The following SEMG1 variants were observed in gnomAD, a reference collection of about 807,000 sequenced individuals.
SEMG1 encodes semenogelin-1.
SEMG1 carries 6 observed loss-of-function variants against 8.8 expected under a neutral mutation model. The ratio of observed to expected loss-of-function variants is 0.68; its 90% CI spans 0.37 to 1.35. The LOEUF is 1.35. SEMG1 is among the 40% of genes most tolerant of loss of function. The probability of loss-of-function intolerance (pLI) is 0.02; values close to 1 mark genes in which losing one functional copy is unlikely to be tolerated. For missense variants in SEMG1, 580 were observed against 533.6 expected, an observed-to-expected ratio of 1.09 and a Z score of -0.86; for synonymous variants, 221 against 190.3, an observed-to-expected ratio of 1.16 and a Z score of -1.33.
rs1351703856 is a variant in SEMG1 at position 45,208,028 on chromosome 20, A to G, written c.731A>G (p.Asp244Gly). 1.9e-6 allele frequency: 3 copies of G among 1,614,172 alleles called. No individual in the cohort carries two copies. Among genetic ancestry groups the G allele is most frequent in the Admixed American group, 1.7e-5 (1 of 60,030 alleles). The change falls in exon 2 of 3, where the codon GAC becomes GGC. Residue 244 changes from aspartate to glycine, a missense_variant. By Grantham distance (94) the Asp-to-Gly change is moderately conservative. Transcript: ENST00000372781. ...VQTSLCPAHQ[D>G]KLQHGSKDIF... is the part of the protein sequence containing the mutation. ...ACCTCACTCTGTCCTGCGCACCAAG[A>G]CAAACTCCAACATGGATCCAAAGAC...
chr20:45,207,191 T>A, intron 1 of SEMG1, 62 bp downstream of exon 1: 3 of 1,599,572 alleles, frequency 1.9e-6, no homozygotes, highest in East Asian at 2.2e-5. Context: ...TAAGATTATT[T>A]GGGGTGCAAA....
chr20:45,208,585 T>C lies in SEMG1; in HGVS notation c.1288T>C (p.Ser430Pro). The stretch of plus-strand genomic sequence containing the variant: ...ACAAAAAGGCAGACACCAACATGGA[T>C]CTCATGGGGGATTGGATATTGTAAT... ...HEQKGRHQHG[S>P]HGGLDIVIIE... The change falls in exon 2 of 3, where the codon TCT becomes CCT. Residue 430 changes from serine to proline, a missense_variant. Coordinates refer to ENST00000372781, the MANE Select transcript of SEMG1 (RefSeq NM_003007.5). 1 of 1,613,862 alleles carries C rather than the reference T, an allele frequency of 6.2e-7. No individual in the cohort carries two copies. The highest frequency in any genetic ancestry group is 1.1e-5 in the South Asian group (1 of 91,064).
At position 45,208,548 on chromosome 20, in the gene SEMG1, A is replaced by T; in HGVS notation, c.1251A>T (p.Leu417=). 6.2e-7 allele frequency: 1 copy of T among 1,614,070 alleles called. No homozygotes were observed. The highest frequency in any genetic ancestry group is 1.1e-5 in the South Asian group (1 of 91,082). ...AATCTACAAATAGAGAACAAGACCT[A>T]CTCAGTCATGAACAAAAAGGCAGAC... ...SGQSTNREQD[L]LSHEQKGRHQ... is the part of the protein sequence containing the mutation. The change falls in exon 2 of 3, where the codon CTA becomes CTT. Residue 417 remains leucine, a synonymous_variant. Coordinates refer to ENST00000372781, the MANE Select transcript of SEMG1 (RefSeq NM_003007.5).
At position 45,208,684 on chromosome 20, in the gene SEMG1, T is replaced by C. The variant is rs2080238559; in HGVS notation, c.1387T>C (p.Ter463GlnextTer8). ...CAACGACCGAAACCCATTATTTACA[T>C]AAACCTACCATTCGGTAACCATGTG... ...LNNDRNPLFT[*>Q] Residue 463 changes from the stop codon to glutamine (Q), a stop_lost, in exon 2 of 3, where the codon TAA (stop) becomes CAA (glutamine). Coordinates refer to ENST00000372781, the MANE Select transcript of SEMG1 (RefSeq NM_003007.5). 1 of 1,595,370 alleles carries C rather than the reference T, an allele frequency of 6.3e-7. No individual in the cohort carries two copies. The highest frequency in any genetic ancestry group is 1.1e-5 in the South Asian group (1 of 88,188).
chr20:45,207,214 T>G (rs1983710616), intron 1 of SEMG1, 85 bp downstream of exon 1: 1 of 1,558,352 alleles, frequency 6.4e-7, no homozygotes, highest in African/African-American at 1.4e-5. Flanking sequence ...GTAACCTGTT[T>G]AGGCACAGAT....
rs374537043 is a variant in SEMG1 at position 45,207,360 on chromosome 20, T to C, written c.77-14T>C. The C allele has an allele frequency of 2.8e-5, 45 of 1,589,560 alleles. No homozygotes were observed. Among genetic ancestry groups the C allele is most frequent in the Non-Finnish European group, 3.9e-5 (45 of 1,165,354 alleles). ...GAGATAATGAATGCATACCTTCTTA[T>C]TATCAATTACCAGGTGGATCAAAAG... On this transcript the variant is annotated splice_polypyrimidine_tract_variant and intron_variant, in intron 1 of 2. Coordinates refer to ENST00000372781, the MANE Select transcript of SEMG1 (RefSeq NM_003007.5).
chr20:45,209,115 T>C (rs909206501), intron 2 of SEMG1, among the ~76,000 whole-genome samples: 1 of 152,224 alleles, frequency 6.6e-6, no homozygotes, highest in African/African-American at 2.4e-5. Context: ...CTATATAGTA[T>C]AAAGGATTAC....
intron 2 of SEMG1, 127 bp downstream of exon 2, chr20:45,208,857 T>C (rs942292046): frequency 3.8e-6 from 2 of 523,256 alleles, no homozygotes; most frequent in Admixed American, 3.6e-5. Context: ...TAACAAGTGG[T>C]AGGAAGATGA....
rs61730002 is a variant in SEMG1 at position 45,207,622 on chromosome 20, A to T, written c.325A>T (p.Asn109Tyr). Residue 109 changes from asparagine (N) to tyrosine (Y), a missense_variant, in exon 2 of 3, where the codon AAT becomes TAT. Physicochemically the swap from Asn to Tyr is moderately radical, Grantham distance 143. Transcript: ENST00000372781. Reference protein sequence around the residue: ...HLGGSQQLLHNKQEGRDHDKS... With the variant: ...HLGGSQQLLHYKQEGRDHDKS... ...AGGTGGAAGTCAACAACTGCTCCAT[A>T]ATAAACAAGAAGGCAGAGACCATGA... is the stretch of plus-strand genomic sequence containing the variant. 6.2e-7 allele frequency: 1 copy of T among 1,613,842 alleles called. No homozygotes were observed. The highest frequency in any genetic ancestry group is 2.2e-5 in the East Asian group (1 of 44,882).
At position 45,208,623 on chromosome 20, in the gene SEMG1, A is replaced by G. The variant is rs574844819; in HGVS notation, c.1326A>G (p.Glu442=). 1 of 1,613,382 alleles carries G rather than the reference A, an allele frequency of 6.2e-7. No homozygotes were observed. Among genetic ancestry groups the G allele is most frequent in the South Asian group, 1.1e-5 (1 of 90,772 alleles). ...GGLDIVIIEQ[E]DDSDRHLAQH... ...TGGATATTGTAATTATAGAGCAGGAAGATGACAGTGATCGTCATTTGGCAC... is the reference window on the plus strand; with the variant it reads ...TGGATATTGTAATTATAGAGCAGGAGGATGACAGTGATCGTCATTTGGCAC... Residue 442 remains glutamate, a synonymous_variant, in exon 2 of 3, where the codon GAA becomes GAG. Coordinates refer to ENST00000372781, the MANE Select transcript of SEMG1 (RefSeq NM_003007.5).
Position 45,208,116 on chromosome 20 carries a change from C to T in SEMG1, c.819C>T (p.Leu273=), listed in dbSNP as rs1983748832. 3 of 1,614,006 alleles carry T rather than the reference C, an allele frequency of 1.9e-6. No individual in the cohort carries two copies. The change falls in exon 2 of 3, where the codon CTC becomes CTT. Residue 273 remains leucine, a synonymous_variant. Transcript: ENST00000372781. ...AGAATCAACACCAGACAAAAAATCT[C>T]AATCAAGATCAACAGCATGGCCGAA... ...YNKNQHQTKN[L]NQDQQHGRKA... is the part of the protein sequence containing the mutation.
Position 45,207,951 on chromosome 20 carries a change from G to T in SEMG1, c.654G>T (p.Gly218=), listed in dbSNP as rs532260676. ...CTAAAAATTCTCATCAAAATAAAGG[G>T]CATTACCAAAATGTGGTTGAAGTGA... is the stretch of plus-strand genomic sequence containing the variant. ...RETKNSHQNK[G]HYQNVVEVRE... Residue 218 remains glycine, a synonymous_variant, in exon 2 of 3, where the codon GGG becomes GGT. Coordinates refer to ENST00000372781, the MANE Select transcript of SEMG1 (RefSeq NM_003007.5). 3.1e-6 allele frequency: 5 copies of T among 1,613,906 alleles called. No individual in the cohort carries two copies. The highest frequency in any genetic ancestry group is 2.2e-5 in the South Asian group (2 of 91,044).
chr20:45,207,420 CGGACAAAAGGGCCAGCACTATTCT>C lies in SEMG1; in HGVS notation c.132_155del (p.Gln46_Gly53del). 1.9e-6 allele frequency: 3 copies of C among 1,610,584 alleles called. No individual in the cohort carries two copies. Among genetic ancestry groups the C allele is most frequent in the Non-Finnish European group, 2.5e-6 (3 of 1,178,964 alleles). ...CAAGTGAATTTTCCCAATTTCCACA[CGGACAAAAGGGCCAGCACTATTCT>C]GGACAAAAAGGCAAGCAACAAACTG... On this transcript the variant is annotated inframe_deletion, in exon 2 of 3. Coordinates refer to ENST00000372781, the MANE Select transcript of SEMG1 (RefSeq NM_003007.5).
Position 45,207,048 on chromosome 20 carries a change from A to G in SEMG1, c.-6A>G. On this transcript the variant is annotated 5_prime_UTR_variant, in exon 1 of 3. Transcript: ENST00000372781. ...CTCAGCTCTCAGACAAGGTTTTCCA[A>G]GCAAGATGAAGCCCAACATCATCTT... 6.2e-7 allele frequency: 1 copy of G among 1,613,708 alleles called. No individual in the cohort carries two copies. Among genetic ancestry groups the G allele is most frequent in the African/African-American group, 1.3e-5 (1 of 75,016 alleles).
chr20:45,208,734 A>G lies in SEMG1; in HGVS notation c.*44+4A>G. 1 of 1,340,784 alleles carries G rather than the reference A, an allele frequency of 7.5e-7. No individual in the cohort carries two copies. 83.1% of individuals were successfully genotyped at this position (1,340,784 alleles called of 1,614,324 possible). On this transcript the variant is annotated splice_donor_region_variant and intron_variant, in intron 2 of 2. Coordinates refer to ENST00000372781, the MANE Select transcript of SEMG1 (RefSeq NM_003007.5). ...GAAAGGATGGACCAATATCAAGGTA[A>G]TTTTTTTTTAGCAAATAGGGGAGAT...
At position 45,208,234 on chromosome 20, in the gene SEMG1, A is replaced by C; in HGVS notation, c.937A>C (p.Ser313Arg). The stretch of plus-strand genomic sequence containing the variant: ...TGTGCAGAAAGATGTATCCCAAAGC[A>C]GTATTTATAGCCAAACTGAAGAGAA... ...NGVQKDVSQS[S>R]IYSQTEEKAQ... The change falls in exon 2 of 3, where the codon AGT becomes CGT. Residue 313 changes from serine (S) to arginine (R), a missense_variant. By Grantham distance (110) the Ser-to-Arg change is moderately radical. Transcript: ENST00000372781. The C allele has an allele frequency of 6.2e-7, 1 of 1,612,458 alleles. No homozygotes were observed. Among genetic ancestry groups the C allele is most frequent in the Non-Finnish European group, 8.5e-7 (1 of 1,179,154 alleles).
chr20:45,207,469 G>A lies in SEMG1; in HGVS notation c.172G>A (p.Glu58Lys), dbSNP rs1983719468. The change falls in exon 2 of 3, where the codon GAA becomes AAA. Residue 58 changes from glutamate to lysine, a missense_variant. Coordinates refer to ENST00000372781, the MANE Select transcript of SEMG1 (RefSeq NM_003007.5). ...TGGACAAAAAGGCAAGCAACAAACTGAATCCAAAGGCAGTTTTTCTATTCA... is the reference window on the plus strand; with the variant it reads ...TGGACAAAAAGGCAAGCAACAAACTAAATCCAAAGGCAGTTTTTCTATTCA... ...YSGQKGKQQT[E>K]SKGSFSIQYT... 1 of 1,613,704 alleles carries A rather than the reference G, an allele frequency of 6.2e-7. No individual in the cohort carries two copies. The highest frequency in any genetic ancestry group is 8.5e-7 in the Non-Finnish European group (1 of 1,179,828).
At position 45,209,746 on chromosome 20, in the gene SEMG1, T is replaced by A. The variant is rs1983801838; in HGVS notation, c.*190T>A. On this transcript the variant is annotated 3_prime_UTR_variant, in exon 3 of 3. Coordinates refer to ENST00000372781, the MANE Select transcript of SEMG1 (RefSeq NM_003007.5). ...ACCTGAAGCGCCTTCAAACTTCCAA[T>A]AAAGAGATCATTTTCTGCTTCATCT... 1 of 152,216 alleles carries A rather than the reference T, an allele frequency of 6.6e-6. No homozygotes were observed. Among genetic ancestry groups the A allele is most frequent in the South Asian group, 2.1e-4 (1 of 4,826 alleles). The allele number at this position is 152,216 out of a possible 1,614,324, so 9.4% of individuals were successfully genotyped here.
chr20:45,209,264 G>T lies in SEMG1; in HGVS notation c.*45-337G>T, dbSNP rs541951953. On this transcript the variant is annotated intron_variant, in intron 2 of 2. Transcript: ENST00000372781. Reference sequence around the variant, plus strand: ...AATACAGGAAAGAGATATGTAGAAAGATCCTTGTTCATGTTGTGAAAGAGA... The same window carrying T: ...AATACAGGAAAGAGATATGTAGAAATATCCTTGTTCATGTTGTGAAAGAGA... Among the ~76,000 whole-genome samples the T allele has an allele frequency of 1.8e-4, 27 of 152,310 alleles. No individual in the cohort carries two copies. The South Asian group carries it at 4.6e-3, about 26-fold the overall frequency.
Sources: allele counts gnomAD v4.1 joint callset (sites outside exome capture counted in the v4.1 genomes callset), GRCh38; gene constraint gnomAD v4.1.1; transcripts MANE v1.5; gene names NCBI Gene and HGNC (gene_info 2026-07-23, HGNC 2026-07-21).